Variants in TXNL1 observed in about 807,000 individuals in gnomAD.
The protein encoded by TXNL1 is thioredoxin like 1.
A neutral mutation model predicts 35.5 loss-of-function variants in TXNL1; 14 were observed. The ratio of observed to expected loss-of-function variants is 0.39; its 90% CI spans 0.26 to 0.62. TXNL1 has a LOEUF of 0.62. Ranked by LOEUF, TXNL1 falls within the 20% of genes least tolerant of loss-of-function variation. The pLI is 0.47. For synonymous variants in TXNL1, 110 were observed against 115.5 expected (o/e 0.95, Z 0.31); for missense variants, 263 against 349.7 (o/e 0.75, Z 1.98).
intron 3 of TXNL1, among the ~76,000 whole-genome samples, chr18:56,618,804 T>A (rs187839763): frequency 4.1e-3 from 622 of 152,264 alleles, no homozygotes; most frequent in Non-Finnish European, 6.2e-3. Flanking sequence ...CAATAATTCC[T>A]TAACACCATC....
At chr18:56,637,330 G>A (rs1019227846) in intron 1 of TXNL1, among the ~76,000 whole-genome samples, 3 of 152,174 alleles carry the variant, frequency 2.0e-5, no homozygotes, top group African/African-American at 7.2e-5. Flanking sequence ...TACATAAACA[G>A]TGATACCAGC....
chr18:56,637,076 T>C (rs2024467214), intron 1 of TXNL1, among the ~76,000 whole-genome samples: 1 of 152,214 alleles, frequency 6.6e-6, no homozygotes, highest in Non-Finnish European at 1.5e-5. Context: ...ATGGGTACTC[T>C]AGCCCACCAT....
chr18:56,606,168 A>G (rs568839602), intron 7 of TXNL1, among the ~76,000 whole-genome samples: 2 of 152,286 alleles, frequency 1.3e-5, no homozygotes, highest in East Asian at 1.9e-4. Flanking sequence ...CGAGGTCAGG[A>G]GATCGAGACC....
At chr18:56,607,295 G>A (rs922600943) in intron 7 of TXNL1, among the ~76,000 whole-genome samples, 3 of 151,810 alleles carry the variant, frequency 2.0e-5, no homozygotes, top group Admixed American at 6.6e-5. Flanking sequence ...TGGGACTACA[G>A]GTGCACCCAC....
chr18:56,620,908 T>TTTTA (rs2024169252), intron 3 of TXNL1, among the ~76,000 whole-genome samples: 2 of 152,234 alleles, frequency 1.3e-5, no homozygotes, highest in Non-Finnish European at 2.9e-5. Flanking sequence ...GGGTAACGTA[T>TTTTA]AGCCAATTTA....
At chr18:56,631,037 T>C (rs2024362236) in intron 1 of TXNL1, among the ~76,000 whole-genome samples, 1 of 151,880 alleles carries the variant, frequency 6.6e-6, no homozygotes, top group Admixed American at 6.6e-5. Context: ...CGTGCCACCA[T>C]ACCCTGCCAA....
At chr18:56,613,533 G>T (rs967157236) in intron 6 of TXNL1, among the ~76,000 whole-genome samples, 2 of 152,132 alleles carry the variant, frequency 1.3e-5, no homozygotes, top group Admixed American at 1.3e-4. Flanking sequence ...CTTCAGAAAG[G>T]CTGGGTGTAG....
At chr18:56,635,326 C>G (rs1264391248) in intron 1 of TXNL1, among the ~76,000 whole-genome samples, 2 of 152,090 alleles carry the variant, frequency 1.3e-5, no homozygotes, top group Non-Finnish European at 2.9e-5. Flanking sequence ...CCCCTAGCAG[C>G]ATTATCCACA....
Position 56,610,806 on chromosome 18 carries a change from T to A in TXNL1, c.840+187A>T, listed in dbSNP as rs1031923827. 4.1e-5 allele frequency: 17 copies of A among 414,458 alleles called. No individual in the cohort carries two copies. In the Admixed American group the frequency reaches 5.6e-4, roughly 14 times the overall value. 25.7% of individuals were successfully genotyped at this position (414,458 alleles called of 1,614,324 possible). ...TAAGACATCATTTTTTATTAAAGAT[T>A]ACTTTGTTGGATATCTAAAAATATA... On this transcript the variant is annotated intron_variant, in intron 7 of 7. Coordinates refer to ENST00000217515, the MANE Select transcript of TXNL1 (RefSeq NM_004786.3).
intron 1 of TXNL1, among the ~76,000 whole-genome samples, chr18:56,630,028 A>G (rs2024346472): frequency 6.6e-6 from 1 of 152,018 alleles, no homozygotes; most frequent in Non-Finnish European, 1.5e-5. Context: ...GTGAAACCCC[A>G]TCTCGACTAA....
intron 3 of TXNL1, 75 bp downstream of exon 3, chr18:56,624,209 ATAGT>A: frequency 7.0e-7 from 1 of 1,418,804 alleles, no homozygotes; most frequent in East Asian, 2.3e-5. Flanking sequence ...AGATGGAAAC[ATAGT>A]TATATTTCAT....
At chr18:56,620,494 T>A (rs1483020915) in intron 3 of TXNL1, among the ~76,000 whole-genome samples, 1 of 152,240 alleles carries the variant, frequency 6.6e-6, no homozygotes, top group Non-Finnish European at 1.5e-5. Context: ...TGGCAACATT[T>A]ACCTGTAAAG....
At chr18:56,609,143 A>G (rs893324647) in intron 7 of TXNL1, 5 of 152,160 alleles carry the variant, frequency 3.3e-5, no homozygotes, top group Non-Finnish European at 5.9e-5. Context: ...CACATAAACA[A>G]AAGTTCTTTT....
chr18:56,638,455 C>G lies in TXNL1; in HGVS notation c.-15G>C. The G allele has an allele frequency of 2.5e-6, 4 of 1,607,668 alleles. No homozygotes were observed. Among genetic ancestry groups the G allele is most frequent in the Non-Finnish European group, 3.4e-6 (4 of 1,176,100 alleles). On this transcript the variant is annotated 5_prime_UTR_variant, in exon 1 of 8. Coordinates refer to ENST00000217515, the MANE Select transcript of TXNL1 (RefSeq NM_004786.3). ...ACCCCCACCATCCTCACAGAGAGCC[C>G]GGCAGGGTGGCCGCGACGCCACTGG...
rs779639413 is a variant in TXNL1 at position 56,624,311 on chromosome 18, C to A, written c.346G>T (p.Asp116Tyr). The change falls in exon 3 of 8, where the codon GAC (aspartate) becomes TAC (tyrosine). Residue 116 changes from aspartate to tyrosine, a missense_variant. Physicochemically the swap from Asp to Tyr is radical, Grantham distance 160 (BLOSUM62 -3). Coordinates refer to ENST00000217515, the MANE Select transcript of TXNL1 (RefSeq NM_004786.3). Reference sequence around the variant, plus strand: ...ACATAGCCTTTTGGAATATCTGTGTCCTCATTGCTTCCAGGGTCATTTTCT... The same window carrying A: ...ACATAGCCTTTTGGAATATCTGTGTACTCATTGCTTCCAGGGTCATTTTCT... The part of the protein sequence containing the change: ...HLENDPGSNE[D>Y]TDIPKGYMDL... 1 of 1,613,666 alleles carries A rather than the reference C, an allele frequency of 6.2e-7. No homozygotes were observed. The highest frequency in any genetic ancestry group is 2.2e-5 in the East Asian group (1 of 44,824).
intron 7 of TXNL1, among the ~76,000 whole-genome samples, chr18:56,603,883 A>G (rs2023847087): frequency 6.6e-6 from 1 of 152,208 alleles, no homozygotes; most frequent in African/African-American, 2.4e-5. Flanking sequence ...GTTTGTGTAG[A>G]AAGATTTCTG....
chr18:56,629,770 G>A (rs1008944895), intron 1 of TXNL1, among the ~76,000 whole-genome samples: 1 of 152,050 alleles, frequency 6.6e-6, no homozygotes, highest in Non-Finnish European at 1.5e-5. Context: ...CCATTCTATA[G>A]TACAATATAT....
intron 7 of TXNL1, chr18:56,610,328 A>G (rs1212246654): frequency 6.6e-6 from 1 of 152,348 alleles, no homozygotes; most frequent in Non-Finnish European, 1.5e-5. Flanking sequence ...GTTGCCCATT[A>G]GAAGTCGTTC....
intron 3 of TXNL1, among the ~76,000 whole-genome samples, chr18:56,619,442 G>A (rs2024144747): frequency 6.7e-6 from 1 of 149,862 alleles, no homozygotes; most frequent in African/African-American, 2.5e-5. Flanking sequence ...GGAAGCTGAG[G>A]CAGGAGAACT....
Sources: allele counts gnomAD v4.1 joint callset (sites outside exome capture counted in the v4.1 genomes callset), GRCh38; gene constraint gnomAD v4.1.1; transcripts MANE v1.5; gene names NCBI Gene and HGNC (gene_info 2026-07-23, HGNC 2026-07-21).